FAM234A: variants seen among roughly 807,000 people sequenced by gnomAD.
FAM234A encodes family with sequence similarity 234 member A.
In FAM234A, 42 loss-of-function variants were observed where a neutral mutation model predicts 49.1. The ratio of observed to expected loss-of-function variants is 0.86; its 90% CI spans 0.67 to 1.11. The LOEUF (loss-of-function observed/expected upper bound fraction) is 1.11. Ranked by LOEUF, FAM234A falls within the 50% of genes least tolerant of loss-of-function variation. FAM234A has a pLI of 0.00. For synonymous variants in FAM234A, 369 were observed against 316.2 expected (o/e 1.17, Z -1.77); for missense variants, 815 against 745.2 (o/e 1.09, Z -1.09).
intron 11 of FAM234A, 29 bp from the exon 12 acceptor site, chr16:264,585 G>C: frequency 6.8e-7 from 1 of 1,460,022 alleles, no homozygotes; most frequent in South Asian, 1.1e-5. Flanking sequence ...AGTGAAGGGC[G>C]TGGGGCCCAT....
intron 2 of FAM234A, among the ~76,000 whole-genome samples, chr16:250,167 G>A (rs561893121): frequency 1.1e-4 from 16 of 152,184 alleles, no homozygotes; most frequent in Non-Finnish European, 1.5e-4. Flanking sequence ...TCCTGACCTC[G>A]TGATCCTCCC....
At chr16:244,024 A>C (rs192433550) in intron 1 of FAM234A, among the ~76,000 whole-genome samples, 1 of 150,814 alleles carries the variant, frequency 6.6e-6, no homozygotes, top group Admixed American at 6.6e-5. Context: ...GCTGGAGTGC[A>C]GTGGTGCCAT....
chr16:263,972 G>A (rs748843510), intron 10 of FAM234A, 44 bp from the exon 11 acceptor site: 16 of 1,586,262 alleles, frequency 1.0e-5, no homozygotes, highest in African/African-American at 4.0e-5. Flanking sequence ...AGCTTTTCCC[G>A]GTAGCCCCCA....
downstream of FAM234A, chr16:269,454 G>A: frequency 6.3e-7 from 1 of 1,599,828 alleles, no homozygotes. Context: ...CAGGGCCCCA[G>A]CAGCCCCCAG....
intron 1 of FAM234A, among the ~76,000 whole-genome samples, chr16:245,853 C>T (rs542142547): frequency 1.3e-5 from 2 of 152,244 alleles, no homozygotes; most frequent in East Asian, 3.9e-4. Context: ...AAGACTTTCC[C>T]TAACAATACA....
intron 8 of FAM234A, 94 bp downstream of exon 8, chr16:262,647 G>T: frequency 1.5e-6 from 2 of 1,323,594 alleles, no homozygotes; most frequent in South Asian, 3.5e-5. Flanking sequence ...GTGGAGCCCA[G>T]AGCAGCCCCA....
chr16:267,052 G>GT (rs1281993690), downstream of FAM234A, among the ~76,000 whole-genome samples: 6 of 152,110 alleles, frequency 3.9e-5, no homozygotes, highest in African/African-American at 9.7e-5. Flanking sequence ...GTGGGCAGAA[G>GT]TTTCCCTCCC....
intron 1 of FAM234A, among the ~76,000 whole-genome samples, chr16:236,429 C>G (rs988529551): frequency 1.3e-5 from 2 of 151,384 alleles, no homozygotes; most frequent in South Asian, 4.2e-4. Context: ...TCGAGACCAT[C>G]CTGTCCAACA....
rs2050338507 is a variant in FAM234A, at chr16:234,832, G to A, written c.-165G>A. On this transcript the variant is annotated 5_prime_UTR_variant, in exon 1 of 13. Coordinates refer to ENST00000399932, the MANE Select transcript of FAM234A (RefSeq NM_032039.4). ...CGCCAGGGGGCGGGGCCAGCGGCGC[G>A]GTCGGGTGAGAGGCCGCGGCGGCAG... 1 of 152,844 alleles carries A rather than the reference G, an allele frequency of 6.5e-6. No individual in the cohort carries two copies. The highest frequency in any genetic ancestry group is 2.1e-4 in the South Asian group (1 of 4,870). The allele number at this position is 152,844 out of a possible 1,614,324, so 9.5% of individuals were successfully genotyped here.
chr16:260,081 G>A lies in FAM234A; in HGVS notation c.498G>A (p.Gln166=), dbSNP rs569019667. 2 of 1,613,866 alleles carry A rather than the reference G, an allele frequency of 1.2e-6. No homozygotes were observed. The highest frequency in any genetic ancestry group is 1.3e-5 in the African/African-American group (1 of 75,052). Residue 166 remains glutamine (Q), a synonymous_variant, in exon 5 of 13, where the codon CAG becomes CAA. Coordinates refer to ENST00000399932, the MANE Select transcript of FAM234A (RefSeq NM_032039.4). ...CCCTCGTGGAGTGTGCTGTGCCCCAGCCAAGAGGCAGTGAGGCACCTTCTG... is the reference window on the plus strand; with the variant it reads ...CCCTCGTGGAGTGTGCTGTGCCCCAACCAAGAGGCAGTGAGGCACCTTCTG... ...DVALVECAVP[Q]PRGSEAPSAC... is the part of the protein sequence containing the mutation.
At chr16:262,372 C>G in intron 7 of FAM234A, 52 bp from the exon 8 acceptor site, 7 of 1,558,060 alleles carry the variant, frequency 4.5e-6, no homozygotes, top group Non-Finnish European at 6.1e-6. Context: ...GCCCCTGGTC[C>G]GGGTTCACAG....
At chr16:243,730 G>A (rs909912625) in intron 1 of FAM234A, among the ~76,000 whole-genome samples, 1 of 152,162 alleles carries the variant, frequency 6.6e-6, no homozygotes, top group African/African-American at 2.4e-5. Flanking sequence ...ATTTTCCAAA[G>A]ACAGGCCTTA....
chr16:263,356 C>T lies in FAM234A; in HGVS notation c.1066C>T (p.Gln356Ter). 1 of 1,612,572 alleles carries T rather than the reference C, an allele frequency of 6.2e-7. No individual in the cohort carries two copies. The highest frequency in any genetic ancestry group is 8.5e-7 in the Non-Finnish European group (1 of 1,180,006). Residue 356 changes from glutamine to a stop codon, truncating the protein, a stop_gained, in exon 9 of 13, where the codon CAG becomes TAG. Transcript: ENST00000399932. LOFTEE classifies it high-confidence loss of function. ...GSEAFVLLDG[Q>*]ELTPRWTPKA... ...AGAGGCCTTCGTGCTGCTGGACGGG[C>T]AGGAGCTGACGCCTCGCTGGACACC...
At chr16:258,409 G>A (rs1237152765) in intron 3 of FAM234A, among the ~76,000 whole-genome samples, 5 of 152,088 alleles carry the variant, frequency 3.3e-5, no homozygotes, top group Admixed American at 1.3e-4. Context: ...ATCTTGCACC[G>A]CCCTTAATCC....
At chr16:258,469 G>A in intron 3 of FAM234A, among the ~76,000 whole-genome samples, 1 of 151,608 alleles carries the variant, frequency 6.6e-6, no homozygotes, top group South Asian at 2.1e-4. Context: ...ACAGGGTTGG[G>A]GGTAAGGTCA....
In FAM234A at chr16:265,126, A is replaced by G; in HGVS notation, c.*104A>G. 6.8e-7 allele frequency: 1 copy of G among 1,468,896 alleles called. No homozygotes were observed. Among genetic ancestry groups the G allele is most frequent in the Admixed American group, 2.5e-5 (1 of 40,546 alleles). 91.0% of individuals were successfully genotyped at this position (1,468,896 alleles called of 1,614,324 possible). On this transcript the variant is annotated 3_prime_UTR_variant, in exon 13 of 13. Transcript: ENST00000399932. ...CTCTGCACTGACTCCCCCACTCCTG[A>G]CCCTGGTGATGGTCGCCACTGGGCA...
intron 1 of FAM234A, among the ~76,000 whole-genome samples, chr16:241,719 C>A (rs969921328): frequency 2.0e-5 from 3 of 151,926 alleles, no homozygotes; most frequent in African/African-American, 7.2e-5. Context: ...AGATCGAGAC[C>A]ATCCTGGCTA....
At chr16:239,609 C>T (rs1477643701) in intron 1 of FAM234A, among the ~76,000 whole-genome samples, 3 of 129,736 alleles carry the variant, frequency 2.3e-5, no homozygotes, top group Non-Finnish European at 4.7e-5. Flanking sequence ...AGCTAGGCCC[C>T]GTCTCAAAAA....
intron 5 of FAM234A, among the ~76,000 whole-genome samples, chr16:260,956 A>G (rs2051441043): frequency 6.6e-6 from 1 of 152,108 alleles, no homozygotes; most frequent in Non-Finnish European, 1.5e-5. Context: ...TGGGGCCTGC[A>G]TGGCACCAAG....
Sources: allele counts gnomAD v4.1 joint callset (sites outside exome capture counted in the v4.1 genomes callset), GRCh38; gene constraint gnomAD v4.1.1; transcripts MANE v1.5; gene names NCBI Gene and HGNC (gene_info 2026-07-23, HGNC 2026-07-21).